Variants in SLC16A7 observed in about 807,000 individuals in gnomAD.
SLC16A7 encodes the protein monocarboxylate transporter 2.
Under a neutral mutation model 34.9 loss-of-function variants are expected in SLC16A7, and 33 were observed. That is an observed-to-expected ratio of 0.94 (90% CI 0.72 to 1.26). The LOEUF is 1.26. Ranked by LOEUF, SLC16A7 falls within the 50% of genes most tolerant of loss-of-function variation. SLC16A7 has a pLI of 0.00. For missense variants in SLC16A7, 573 were observed against 578.1 expected (o/e 0.99, Z 0.09); for synonymous variants, 201 against 206.6 (o/e 0.97, Z 0.23).
At chr12:59,656,235 A>G (rs900077145) in intron 2 of SLC16A7, among the ~76,000 whole-genome samples, 2 of 152,010 alleles carry the variant, frequency 1.3e-5, no homozygotes, top group African/African-American at 2.4e-5. Flanking sequence ...ATGGACCCCC[A>G]CATTTTAATC....
chr12:59,629,309 T>C (rs985198787), intron 1 of SLC16A7, among the ~76,000 whole-genome samples: 8 of 151,920 alleles, frequency 5.3e-5, no homozygotes, highest in African/African-American at 1.7e-4. Flanking sequence ...CAACTGTATC[T>C]ATCTGTCTCA....
At chr12:59,747,339 C>T (rs954534490) in intron 3 of SLC16A7, among the ~76,000 whole-genome samples, 2 of 152,108 alleles carry the variant, frequency 1.3e-5, no homozygotes, top group Non-Finnish European at 2.9e-5. Context: ...CTCTAAACAA[C>T]AACGAAATTG....
chr12:59,750,653 G>A (rs980087512), intron 3 of SLC16A7, among the ~76,000 whole-genome samples: 6 of 152,158 alleles, frequency 3.9e-5, no homozygotes, highest in Admixed American at 6.5e-5. Flanking sequence ...ATGGTATGGC[G>A]ATTCCTCAAG....
intron 3 of SLC16A7, among the ~76,000 whole-genome samples, chr12:59,757,542 AT>A (rs1880527223): frequency 6.6e-6 from 1 of 152,188 alleles, no homozygotes; most frequent in Non-Finnish European, 1.5e-5. Flanking sequence ...CTAAAGCAAA[AT>A]GGTGGAAGAA....
intron 3 of SLC16A7, among the ~76,000 whole-genome samples, chr12:59,766,882 AT>A (rs1359648003): frequency 1.3e-5 from 2 of 152,020 alleles, no homozygotes; most frequent in African/African-American, 4.8e-5. Context: ...TTTTCTATTG[AT>A]TGGAATAGCT....
At chr12:59,723,065 G>C (rs1875797417) in intron 3 of SLC16A7, among the ~76,000 whole-genome samples, 1 of 151,852 alleles carries the variant, frequency 6.6e-6, no homozygotes, top group Non-Finnish European at 1.5e-5. Flanking sequence ...TCCCCCACTG[G>C]AATATAAATA....
intron 2 of SLC16A7, among the ~76,000 whole-genome samples, chr12:59,694,568 A>G (rs939028233): frequency 1.3e-5 from 2 of 151,964 alleles, no homozygotes; most frequent in Non-Finnish European, 2.9e-5. Context: ...ACATGGTTTA[A>G]GTGTACAATA....
intron 1 of SLC16A7, among the ~76,000 whole-genome samples, chr12:59,643,336 T>A (rs1231824545): frequency 6.6e-6 from 1 of 152,166 alleles, no homozygotes; most frequent in African/African-American, 2.4e-5. Flanking sequence ...GTCTCTAATA[T>A]ACATATAAGT....
At chr12:59,746,934 G>T (rs1220120450) in intron 3 of SLC16A7, among the ~76,000 whole-genome samples, 3 of 152,138 alleles carry the variant, frequency 2.0e-5, no homozygotes, top group African/African-American at 7.2e-5. Flanking sequence ...TTGAGCTCAG[G>T]CAATCCTCCT....
intron 3 of SLC16A7, among the ~76,000 whole-genome samples, chr12:59,756,386 C>T (rs1880346025): frequency 1.3e-5 from 2 of 152,044 alleles, no homozygotes; most frequent in Admixed American, 1.3e-4. Context: ...CCAGAATCTA[C>T]AATGAACTCA....
chr12:59,689,574 T>C (rs1434910766), intron 2 of SLC16A7: 1 of 151,972 alleles, frequency 6.6e-6, no homozygotes, highest in Non-Finnish European at 1.5e-5. Flanking sequence ...TCATCATTGA[T>C]ATCAGGAGAT....
intron 5 of SLC16A7, among the ~76,000 whole-genome samples, chr12:59,776,224 G>A (rs991444309): frequency 2.0e-5 from 3 of 152,150 alleles, no homozygotes; most frequent in African/African-American, 7.2e-5. Flanking sequence ...GAGAGAGAGA[G>A]AGAGAAATAG....
intron 3 of SLC16A7, among the ~76,000 whole-genome samples, chr12:59,746,376 C>T (rs1878892878): frequency 6.6e-6 from 1 of 152,150 alleles, no homozygotes; most frequent in Admixed American, 6.5e-5. Context: ...ATATATGACT[C>T]AGTTTATTTT....
intron 1 of SLC16A7, among the ~76,000 whole-genome samples, chr12:59,627,977 C>G (rs559745275): frequency 6.6e-6 from 1 of 151,660 alleles, no homozygotes; most frequent in South Asian, 2.1e-4. Context: ...GTTGGAAACA[C>G]TAGGGTCATT....
chr12:59,625,561 G>A (rs1038708666), intron 1 of SLC16A7, among the ~76,000 whole-genome samples: 1 of 151,828 alleles, frequency 6.6e-6, no homozygotes. Context: ...ATCTGTGAAT[G>A]AGAATGCTGG....
At position 59,782,017 on chromosome 12, in the gene SLC16A7, A is replaced by G. The variant is rs1221138836; in HGVS notation, c.*2338A>G. On this transcript the variant is annotated 3_prime_UTR_variant, in exon 6 of 6. Transcript: ENST00000547379. ...TACTGATGAGTTTCTCGTCACGTCA[A>G]AACCAGTTCACATTTGTCTGGCTGC... 1 of 152,190 alleles carries G rather than the reference A, an allele frequency of 6.6e-6. No homozygotes were observed. The highest frequency in any genetic ancestry group is 1.5e-5 in the Non-Finnish European group (1 of 68,034). The allele number at this position is 152,190 out of a possible 1,614,324, so 9.4% of individuals were successfully genotyped here.
At chr12:59,672,477 A>C (rs1282590664) in intron 2 of SLC16A7, among the ~76,000 whole-genome samples, 1 of 151,862 alleles carries the variant, frequency 6.6e-6, no homozygotes, top group African/African-American at 2.4e-5. Flanking sequence ...CATGTAGAGC[A>C]TGAACTTCTG....
intron 1 of SLC16A7, among the ~76,000 whole-genome samples, chr12:59,638,044 T>C (rs1488330367): frequency 1.3e-5 from 2 of 152,150 alleles, no homozygotes; most frequent in African/African-American, 4.8e-5. Context: ...TTACCCACCC[T>C]GTGGTTTTCT....
chr12:59,759,929 G>A (rs925490068), intron 3 of SLC16A7, among the ~76,000 whole-genome samples: 3 of 151,852 alleles, frequency 2.0e-5, no homozygotes, highest in Admixed American at 6.6e-5. Flanking sequence ...TGAGATTTAT[G>A]TGTAGATCAA....
Sources: gnomAD v4.1 joint callset for allele counts (sites outside exome capture counted in the v4.1 genomes callset) on GRCh38, gnomAD v4.1.1 for gene constraint, MANE v1.5 for transcripts, NCBI Gene and HGNC (gene_info 2026-07-23, HGNC 2026-07-21) for gene names.